The following SLC4A3 variants were observed in gnomAD, a reference collection of about 807,000 sequenced individuals.
SLC4A3 encodes the protein anion exchange protein 3.
In SLC4A3, 47 loss-of-function variants were observed where a neutral mutation model predicts 114.2. The ratio of observed to expected loss-of-function variants is 0.41; its 90% CI spans 0.33 to 0.52. SLC4A3 has a LOEUF of 0.52. Ranked by LOEUF, SLC4A3 falls within the 20% of genes least tolerant of loss-of-function variation. The probability of loss-of-function intolerance (pLI) is 0.21; values close to 1 mark genes in which losing one functional copy is unlikely to be tolerated. For synonymous variants in SLC4A3, 693 were observed against 710.3 expected (o/e 0.98, Z 0.39); for missense variants, 1,312 against 1,668.3 (o/e 0.79, Z 3.72).
chr2:219,635,470 G>A lies in SLC4A3; in HGVS notation c.1946G>A (p.Arg649Gln), dbSNP rs1039170052. Residue 649 changes from arginine (R) to glutamine (Q), a missense_variant, in exon 13 of 23, where the codon CGG becomes CAG. Transcript: ENST00000358055. ...CAGACCAAAGTCGAGATGACCACAC[G>A]GGGTGGCTACACGGCCCCTGGGAAA... The part of the protein sequence containing the change: ...REQTKVEMTT[R>Q]GGYTAPGKEL... The A allele has an allele frequency of 2.2e-5, 35 of 1,613,028 alleles. No individual in the cohort carries two copies. Among genetic ancestry groups the A allele is most frequent in the Non-Finnish European group, 2.9e-5 (34 of 1,179,556 alleles).
chr2:219,632,224 G>C, intron 7 of SLC4A3, 38 bp from the exon 8 acceptor site: 1 of 1,613,188 alleles, frequency 6.2e-7, no homozygotes, highest in Non-Finnish European at 8.5e-7. Context: ...CCCCACACCT[G>C]TTGGCCCCTG....
In SLC4A3 at chr2:219,630,139, T is replaced by A. The variant is rs369847071; in HGVS notation, c.612-14T>A. 3.2e-5 allele frequency: 51 copies of A among 1,612,634 alleles called. No homozygotes were observed. Among genetic ancestry groups the A allele is most frequent in the Non-Finnish European group, 4.2e-5 (50 of 1,179,604 alleles). On this transcript the variant is annotated splice_polypyrimidine_tract_variant and intron_variant, in intron 5 of 22. Coordinates refer to ENST00000358055, the MANE Select transcript of SLC4A3 (RefSeq NM_005070.4). The surrounding 1 kb of genome is among the most constrained non-coding windows in gnomAD (Gnocchi z 6.9). ...GGCCCTGTCAAGTCCAAGGCTGCTG[T>A]GTTGCCTCCCCAGCTCCCCCAGCCC...
rs779775424 is a variant in SLC4A3, at chr2:219,629,189, G to T, written c.263G>T (p.Arg88Leu). 1 of 1,610,246 alleles carries T rather than the reference G, an allele frequency of 6.2e-7. No homozygotes were observed. The highest frequency in any genetic ancestry group is 8.5e-7 in the Non-Finnish European group (1 of 1,178,318). The change falls in exon 4 of 23, where the codon CGC (arginine) becomes CTC (leucine). Residue 88 changes from arginine (R) to leucine (L), a missense_variant. By Grantham distance (102) the Arg-to-Leu change is moderately radical. Around this residue, in one of 4 missense-constraint regions of SLC4A3, gnomAD observed 236 missense variants for 212.1 expected, o/e 1.11. Coordinates refer to ENST00000358055, the MANE Select transcript of SLC4A3 (RefSeq NM_005070.4). ...SHHTHHPLSA[R>L]LPPPHKLRRL... ...CACACCCACCACCCGCTCTCAGCGC[G>T]CCTGCCTCCACCCCACAAGCTGCGG...
Position 219,637,222 on chromosome 2 carries a change from GGT to G in SLC4A3, c.2535+352_2535+353del, listed in dbSNP as rs1699149694. On this transcript the variant is annotated intron_variant, in intron 16 of 22. Coordinates refer to ENST00000358055, the MANE Select transcript of SLC4A3 (RefSeq NM_005070.4). This position sits in a 1 kb window ranked among gnomAD's most constrained non-coding sequence, Gnocchi z 4.6. Reference sequence around the variant, plus strand: ...TGTGTGTGTGTGTGGGTGTGGGTGTGGTGTGAGTATGGTGTGTTGTGTGTGAT... The same window carrying G: ...TGTGTGTGTGTGTGGGTGTGGGTGTGGTGAGTATGGTGTGTTGTGTGTGAT... Among the ~76,000 whole-genome samples, 1 of 151,268 alleles carries G rather than the reference GGT, an allele frequency of 6.6e-6. No homozygotes were observed. Among genetic ancestry groups the G allele is most frequent in the African/African-American group, 2.4e-5 (1 of 41,158 alleles).
At position 219,638,979 on chromosome 2, in the gene SLC4A3, G is replaced by A; in HGVS notation, c.3023+110G>A. ...ATCATTATCAGTATCAGGGTGCTGG[G>A]TGGTGGGAGCTGGTGGCAATCCTTG... On this transcript the variant is annotated intron_variant, in intron 19 of 22. Transcript: ENST00000358055. This position sits in a 1 kb window ranked among gnomAD's most constrained non-coding sequence, Gnocchi z 7.5. 1 of 1,239,372 alleles carries A rather than the reference G, an allele frequency of 8.1e-7. No homozygotes were observed. The highest frequency in any genetic ancestry group is 1.5e-5 in the African/African-American group (1 of 67,642). The allele number at this position is 1,239,372 out of a possible 1,614,324, so 76.8% of individuals were successfully genotyped here.
In SLC4A3 at chr2:219,638,623, G is replaced by A; in HGVS notation, c.2857-80G>A. 1.4e-6 allele frequency: 2 copies of A among 1,455,744 alleles called. No homozygotes were observed. Among genetic ancestry groups the A allele is most frequent in the South Asian group, 1.2e-5 (1 of 81,252 alleles). The allele number at this position is 1,455,744 out of a possible 1,614,324, so 90.2% of individuals were successfully genotyped here. A position where few individuals can be genotyped will look rare whatever the true frequency, so the allele number is the denominator to read the frequency against. ...CAGCTCCCTGAAGTCCTGGACTGGG[G>A]ACGCAGCTTAGTGGGCTGCTTGGTG... On this transcript the variant is annotated intron_variant, in intron 18 of 22. Coordinates refer to ENST00000358055, the MANE Select transcript of SLC4A3 (RefSeq NM_005070.4). The surrounding 1 kb of genome is among the most constrained non-coding windows in gnomAD (Gnocchi z 7.5).
At position 219,636,586 on chromosome 2, in the gene SLC4A3, C is replaced by T. The variant is rs1289830527; in HGVS notation, c.2341-94C>T. The stretch of plus-strand genomic sequence containing the variant: ...TAGGGGATGGGTCCCTGCATTCTCC[C>T]TCTTCCTCGGAGTTCATCCGCTGCC... On this transcript the variant is annotated intron_variant, in intron 15 of 22. Transcript: ENST00000358055. This position sits in a 1 kb window ranked among gnomAD's most constrained non-coding sequence, Gnocchi z 5.5. 3 of 1,484,376 alleles carry T rather than the reference C, an allele frequency of 2.0e-6. No homozygotes were observed. The highest frequency in any genetic ancestry group is 2.7e-6 in the Non-Finnish European group (3 of 1,097,474). The allele number at this position is 1,484,376 out of a possible 1,614,324, so 92.0% of individuals were successfully genotyped here.
Position 219,629,620 on chromosome 2 carries a change from C to T in SLC4A3, c.536C>T (p.Pro179Leu), listed in dbSNP as rs769258275. ...GSDEDDSPGL[P>L]GRAAVTKPLP... The stretch of plus-strand genomic sequence containing the variant: ...GACGAGGATGACAGTCCAGGCCTCC[C>T]TGGGAGGGCTGCTGTCACCAAGCCC... The change falls in exon 5 of 23, where the codon CCT (proline) becomes CTT (leucine). Residue 179 changes from proline to leucine, a missense_variant. Pro to Leu is a moderately conservative substitution (Grantham distance 98, BLOSUM62 -3). Transcript: ENST00000358055. 33 of 1,613,144 alleles carry T rather than the reference C, an allele frequency of 2.0e-5. No homozygotes were observed. The highest frequency in any genetic ancestry group is 1.7e-4 in the Middle Eastern group (1 of 6,056).
rs753272539 is a variant in SLC4A3, at chr2:219,630,162, C to T, written c.621C>T (p.Ser207=). The T allele has an allele frequency of 1.2e-5, 20 of 1,612,260 alleles. No homozygotes were observed. Among genetic ancestry groups the T allele is most frequent in the South Asian group, 6.6e-5 (6 of 90,928 alleles). ...TGTGTTGCCTCCCCAGCTCCCCCAG[C>T]CCCCGGGCCCGGGCCTCCCGACTCG... ...KSPQHSSSSP[S]PRARASRLAG... The change falls in exon 6 of 23, where the codon AGC becomes AGT. Residue 207 remains serine, a synonymous_variant. Transcript: ENST00000358055. This position sits in a 1 kb window ranked among gnomAD's most constrained non-coding sequence, Gnocchi z 6.9.
Position 219,638,041 on chromosome 2 carries a change from G to A in SLC4A3, c.2767-123G>A. The A allele has an allele frequency of 1.2e-6, 1 of 814,674 alleles. No individual in the cohort carries two copies. The highest frequency in any genetic ancestry group is 2.0e-6 in the Non-Finnish European group (1 of 490,094). The allele number at this position is 814,674 out of a possible 1,614,324, so 50.5% of individuals were successfully genotyped here. On this transcript the variant is annotated intron_variant, in intron 17 of 22. Transcript: ENST00000358055. This position sits in a 1 kb window ranked among gnomAD's most constrained non-coding sequence, Gnocchi z 7.5. ...TGCGCTGGCACCTGTGGGGTTGAGAGGCACGTGGGGGGCCTTCTGGCTCCA... is the reference window on the plus strand; with the variant it reads ...TGCGCTGGCACCTGTGGGGTTGAGAAGCACGTGGGGGGCCTTCTGGCTCCA...
Position 219,641,860 on chromosome 2 carries a change from T to C in SLC4A3, c.*132T>C. ...GTGCCTGGAACCACTCCTGATGCCA[T>C]GGCTAGAGTGGCCCCCCTGACTTCT... is the stretch of plus-strand genomic sequence containing the variant. On this transcript the variant is annotated 3_prime_UTR_variant, in exon 23 of 23. Coordinates refer to ENST00000358055, the MANE Select transcript of SLC4A3 (RefSeq NM_005070.4). This position sits in a 1 kb window ranked among gnomAD's most constrained non-coding sequence, Gnocchi z 4.0. The C allele has an allele frequency of 1.5e-6, 1 of 683,644 alleles. No individual in the cohort carries two copies. Among genetic ancestry groups the C allele is most frequent in the Non-Finnish European group, 2.5e-6 (1 of 394,222 alleles). 42.3% of individuals were successfully genotyped at this position (683,644 alleles called of 1,614,324 possible).
chr2:219,633,068 A>G (rs1698991922), intron 9 of SLC4A3, 59 bp downstream of exon 9: 4 of 1,590,736 alleles, frequency 2.5e-6, no homozygotes, highest in East Asian at 4.5e-5. Context: ...CCAGGAGCAC[A>G]TCCTCTTCCA....
intron 11 of SLC4A3, 52 bp from the exon 12 acceptor site, chr2:219,634,367 CT>C (rs1430600286): frequency 1.3e-6 from 2 of 1,585,534 alleles, no homozygotes; most frequent in Non-Finnish European, 1.7e-6. Context: ...GCCCCAGGGC[CT>C]GCCTTGACTG....
At chr2:219,634,210 G>A (rs769845084) in intron 11 of SLC4A3, among the ~76,000 whole-genome samples, 30 of 152,218 alleles carry the variant, frequency 2.0e-4, no homozygotes, top group Non-Finnish European at 4.1e-4. Flanking sequence ...AGAAAAAAAA[G>A]CAACACTTCT....
intron 13 of SLC4A3, 27 bp downstream of exon 13, chr2:219,635,523 C>T (rs753488189): frequency 6.4e-7 from 1 of 1,555,746 alleles, no homozygotes; most frequent in Non-Finnish European, 8.8e-7. Context: ...CTGAGTGCCC[C>T]CAATACACAC....
rs1473484357 is a variant in SLC4A3 at position 219,630,034 on chromosome 2, A to T, written c.612-119A>T. On this transcript the variant is annotated intron_variant, in intron 5 of 22. Transcript: ENST00000358055. This position sits in a 1 kb window ranked among gnomAD's most constrained non-coding sequence, Gnocchi z 6.9. The stretch of plus-strand genomic sequence containing the variant: ...CCTGGGTCAGCATCCTTTGCTGCCC[A>T]GGAGGGGCCTGGGTCTCATGCTCAG... 1 of 1,517,356 alleles carries T rather than the reference A, an allele frequency of 6.6e-7. No individual in the cohort carries two copies. Among genetic ancestry groups the T allele is most frequent in the Non-Finnish European group, 8.8e-7 (1 of 1,132,760 alleles). The allele number at this position is 1,517,356 out of a possible 1,614,324, so 94.0% of individuals were successfully genotyped here.
At position 219,637,622 on chromosome 2, in the gene SLC4A3, G is replaced by T; in HGVS notation, c.2577G>T (p.Glu859Asp). 1 of 1,611,550 alleles carries T rather than the reference G, an allele frequency of 6.2e-7. No individual in the cohort carries two copies. Among genetic ancestry groups the T allele is most frequent in the Non-Finnish European group, 8.5e-7 (1 of 1,178,176 alleles). ...CACTGCTGCCGTTCTACCCCCCTGA[G>T]GGGGCCCTGGAGGGGTCCCTGGATG... ...EHPLLPFYPP[E>D]GALEGSLDAG... The change falls in exon 17 of 23, where the codon GAG becomes GAT. Residue 859 changes from glutamate to aspartate, a missense_variant. Physicochemically the swap from Glu to Asp is conservative, Grantham distance 45. Transcript: ENST00000358055. This position sits in a 1 kb window ranked among gnomAD's most constrained non-coding sequence, Gnocchi z 4.6.
At position 219,641,706 on chromosome 2, in the gene SLC4A3, A is replaced by G. The variant is rs1408668849; in HGVS notation, c.3677A>G (p.Asn1226Ser). Residue 1226 changes from asparagine (N) to serine (S), a missense_variant, in exon 23 of 23, where the codon AAT (asparagine) becomes AGT (serine). By Grantham distance (46) the Asn-to-Ser change is conservative. This residue lies in a region of SLC4A3 where 4 missense variants were observed against 17.8 expected (regional missense o/e 0.22). Transcript: ENST00000358055. This position sits in a 1 kb window ranked among gnomAD's most constrained non-coding sequence, Gnocchi z 4.0. ...NFDEDGQDEYNELHMPV is the reference protein window; with the variant it reads ...NFDEDGQDEYSELHMPV ...GATGAGGATGGCCAGGATGAGTACAATGAGCTGCACATGCCAGTGTGACCC... is the reference window on the plus strand; with the variant it reads ...GATGAGGATGGCCAGGATGAGTACAGTGAGCTGCACATGCCAGTGTGACCC... 3 of 1,613,996 alleles carry G rather than the reference A, an allele frequency of 1.9e-6. No individual in the cohort carries two copies. Among genetic ancestry groups the G allele is most frequent in the Non-Finnish European group, 1.7e-6 (2 of 1,179,880 alleles).
chr2:219,629,409 A>C lies in SLC4A3; in HGVS notation c.483A>C (p.Pro161=), dbSNP rs755183854. 3 of 1,587,950 alleles carry C rather than the reference A, an allele frequency of 1.9e-6. No homozygotes were observed. Among genetic ancestry groups the C allele is most frequent in the Middle Eastern group, 3.4e-4 (2 of 5,868 alleles). Residue 161 remains proline (P), a synonymous_variant, in exon 4 of 23, where the codon CCA becomes CCC. Coordinates refer to ENST00000358055, the MANE Select transcript of SLC4A3 (RefSeq NM_005070.4). Reference sequence around the variant, plus strand: ...TGGAGCCCCCCCACTCAGGGACCCCACAGAAGGCAAAGGTAGGGGCTTCCC... The same window carrying C: ...TGGAGCCCCCCCACTCAGGGACCCCCCAGAAGGCAAAGGTAGGGGCTTCCC... ...EPVEPPHSGT[P]QKAKFSIGSD... is the part of the protein sequence containing the mutation.
Sources: gnomAD v4.1 joint callset for allele counts (sites outside exome capture counted in the v4.1 genomes callset) on GRCh38, gnomAD v4.1.1 for gene constraint, gnomAD v4.1.1 regional missense constraint, Gnocchi (gnomAD v3.1) non-coding constraint, MANE v1.5 for transcripts, NCBI Gene and HGNC (gene_info 2026-07-23, HGNC 2026-07-21) for gene names.